The following ZC3H14 variants were observed in gnomAD, a reference collection of about 807,000 sequenced individuals.
ZC3H14 encodes zinc finger CCCH domain-containing protein 14.
ZC3H14 carries 31 observed loss-of-function variants against 92.4 expected under a neutral mutation model. The ratio of observed to expected loss-of-function variants is 0.34; its 90% CI spans 0.25 to 0.45. ZC3H14 has a LOEUF of 0.45. ZC3H14 is among the 20% of genes least tolerant of loss of function. The pLI, the probability that ZC3H14 is intolerant of heterozygous loss-of-function variation, is 1.00. For synonymous variants in ZC3H14, 321 were observed against 300.9 expected (o/e 1.07, Z -0.69); for missense variants, 781 against 897.3 (o/e 0.87, Z 1.66).
chr14:88,613,145 T>G lies in ZC3H14; in HGVS notation c.*1394T>G, dbSNP rs886222420. ...AAGAATTAACCAGTCATTAAACCAT[T>G]TGGTAAGTTGCACTTTGCTGTGCTG... On this transcript the variant is annotated 3_prime_UTR_variant, in exon 17 of 17. Transcript: ENST00000251038. 6.6e-6 allele frequency: 1 copy of G among 152,202 alleles called. No homozygotes were observed. The highest frequency in any genetic ancestry group is 1.5e-5 in the Non-Finnish European group (1 of 68,042). 9.4% of individuals were successfully genotyped at this position (152,202 alleles called of 1,614,324 possible). A position where few individuals can be genotyped will look rare whatever the true frequency, so the allele number is the denominator to read the frequency against.
chr14:88,584,685 C>T (rs571193830), intron 9 of ZC3H14, among the ~76,000 whole-genome samples: 3 of 152,274 alleles, frequency 2.0e-5, no homozygotes, highest in Admixed American at 1.3e-4. Context: ...TTCAGCTCTC[C>T]AGTAAATTGT....
chr14:88,567,824 A>G (rs1451554358), intron 2 of ZC3H14: 10 of 596,078 alleles, frequency 1.7e-5, no homozygotes, highest in South Asian at 3.1e-5. Flanking sequence ...TTAGTTTTGT[A>G]AGTATCAATT....
chr14:88,618,815 G>A lies in ZC3H14; in HGVS notation c.*7064G>A. Reference sequence around the variant, plus strand: ...GATACCGGGAATCCGGACTAAATCTGAATCAAAACAAAACGTAAAAAGTAT... The same window carrying A: ...GATACCGGGAATCCGGACTAAATCTAAATCAAAACAAAACGTAAAAAGTAT... On this transcript the variant is annotated 3_prime_UTR_variant, in exon 17 of 17. Transcript: ENST00000251038. 6.4e-7 allele frequency: 1 copy of A among 1,570,344 alleles called. No individual in the cohort carries two copies. Among genetic ancestry groups the A allele is most frequent in the Non-Finnish European group, 8.6e-7 (1 of 1,157,288 alleles).
At chr14:88,587,167 CTT>C (rs11462440) in intron 9 of ZC3H14, among the ~76,000 whole-genome samples, 1 of 147,592 alleles carries the variant, frequency 6.8e-6, no homozygotes. Context: ...CCTTCAATTC[CTT>C]TTTTTTTTTG....
At position 88,622,591 on chromosome 14, in the gene ZC3H14, T is replaced by A. The variant is rs1390883934; in HGVS notation, c.*10840T>A. 4.4e-6 allele frequency: 7 copies of A among 1,585,296 alleles called. No individual in the cohort carries two copies. The highest frequency in any genetic ancestry group is 1.4e-5 in the African/African-American group (1 of 73,814). On this transcript the variant is annotated 3_prime_UTR_variant, in exon 17 of 17. Coordinates refer to ENST00000251038, the MANE Select transcript of ZC3H14 (RefSeq NM_024824.5). ...TTTTCTGCTGCACTGTATCAGCTCA[T>A]GGAACATCTTACTTTGCCTCTGCAC...
chr14:88,612,450 AATAAC>A lies in ZC3H14; in HGVS notation c.*704_*708del, dbSNP rs2086926579. 2.6e-5 allele frequency: 4 copies of A among 152,352 alleles called. No homozygotes were observed. Among genetic ancestry groups the A allele is most frequent in the Admixed American group, 2.6e-4 (4 of 15,300 alleles). The allele number at this position is 152,352 out of a possible 1,614,324, so 9.4% of individuals were successfully genotyped here. A position where few individuals can be genotyped will look rare whatever the true frequency, so the allele number is the denominator to read the frequency against. ...GTTCTATACAGTGCTCTCATTTACTAATAACATAATGCCTTCTAAATAATTTTTTT... is the reference window on the plus strand; with the variant it reads ...GTTCTATACAGTGCTCTCATTTACTAATAATGCCTTCTAAATAATTTTTTT... On this transcript the variant is annotated 3_prime_UTR_variant, in exon 17 of 17. Coordinates refer to ENST00000251038, the MANE Select transcript of ZC3H14 (RefSeq NM_024824.5).
rs2089264211 is a variant in ZC3H14, at chr14:88,622,856, G to A, written c.*11105G>A. 1 of 522,060 alleles carries A rather than the reference G, an allele frequency of 1.9e-6. No homozygotes were observed. The highest frequency in any genetic ancestry group is 3.2e-6 in the Non-Finnish European group (1 of 308,212). The allele number at this position is 522,060 out of a possible 1,614,324, so 32.3% of individuals were successfully genotyped here. On this transcript the variant is annotated 3_prime_UTR_variant, in exon 17 of 17. Transcript: ENST00000251038. ...TTTATAATTTACCTCTAATATTCTT[G>A]TAAACTTTCTATGGCAATTTGAGGA...
At chr14:88,564,971 A>G (rs1405333739) in intron 2 of ZC3H14, among the ~76,000 whole-genome samples, 6 of 152,214 alleles carry the variant, frequency 3.9e-5, no homozygotes, top group Admixed American at 3.9e-4. Flanking sequence ...GCAGATATTT[A>G]CTTGAAAGTG....
chr14:88,569,575 T>C lies in ZC3H14; in HGVS notation c.194+1422T>C, dbSNP rs1377461425. ...TGGAGGATAATGATGTAGCTGAGAATAGACAGACGAAATACTTTATTAGGC... is the reference window on the plus strand; with the variant it reads ...TGGAGGATAATGATGTAGCTGAGAACAGACAGACGAAATACTTTATTAGGC... On this transcript the variant is annotated intron_variant, in intron 3 of 16. Transcript: ENST00000251038. Among the ~76,000 whole-genome samples, 3 of 152,096 alleles carry C rather than the reference T, an allele frequency of 2.0e-5. No homozygotes were observed. The East Asian group carries it at 5.8e-4, about 29-fold the overall frequency.
intron 12 of ZC3H14, among the ~76,000 whole-genome samples, chr14:88,605,741 C>G (rs2085295382): frequency 6.6e-6 from 1 of 152,228 alleles, no homozygotes. Context: ...GGCTGCATGA[C>G]TACATTTGTG....
Position 88,622,752 on chromosome 14 carries a change from T to C in ZC3H14, c.*11001T>C. ...ATAACCAAGCCAGAGTAAGTGTTCA[T>C]TATTGGCTACTATAATTTTTATTAT... is the stretch of plus-strand genomic sequence containing the variant. On this transcript the variant is annotated 3_prime_UTR_variant, in exon 17 of 17. Transcript: ENST00000251038. 6.8e-7 allele frequency: 1 copy of C among 1,460,044 alleles called. No individual in the cohort carries two copies. Among genetic ancestry groups the C allele is most frequent in the Non-Finnish European group, 9.3e-7 (1 of 1,077,534 alleles). 90.4% of individuals were successfully genotyped at this position (1,460,044 alleles called of 1,614,324 possible). A position where few individuals can be genotyped will look rare whatever the true frequency, so the allele number is the denominator to read the frequency against.
chr14:88,563,212 G>T (rs766487028), intron 1 of ZC3H14, 43 bp downstream of exon 1: 2 of 1,587,310 alleles, frequency 1.3e-6, no homozygotes, highest in South Asian at 1.1e-5. Context: ...AGGTCTCGGC[G>T]AGCGGGCGGT....
At position 88,612,002 on chromosome 14, in the gene ZC3H14, A is replaced by G. The variant is rs2086859068; in HGVS notation, c.*251A>G. The G allele has an allele frequency of 1.8e-6, 1 of 545,720 alleles. No individual in the cohort carries two copies. The highest frequency in any genetic ancestry group is 3.2e-6 in the Non-Finnish European group (1 of 307,764). 33.8% of individuals were successfully genotyped at this position (545,720 alleles called of 1,614,324 possible). ...GCTTAAGGAAGAGCTAAATTCTGTT[A>G]AAATATTTGGGGCATGTTTGTGCAC... On this transcript the variant is annotated 3_prime_UTR_variant, in exon 17 of 17. Coordinates refer to ENST00000251038, the MANE Select transcript of ZC3H14 (RefSeq NM_024824.5).
chr14:88,574,090 T>A (rs1444742027), intron 6 of ZC3H14, among the ~76,000 whole-genome samples: 2 of 152,194 alleles, frequency 1.3e-5, no homozygotes, highest in African/African-American at 4.8e-5. Context: ...AATTTTAGAT[T>A]GTTCATGGTA....
In ZC3H14 at chr14:88,618,928, G is replaced by T; in HGVS notation, c.*7177G>T. ...GTAACGTGTGATAAGGCCTCAAATA[G>T]ATTTACCTGTCAGACACAACTGATC... On this transcript the variant is annotated 3_prime_UTR_variant, in exon 17 of 17. Coordinates refer to ENST00000251038, the MANE Select transcript of ZC3H14 (RefSeq NM_024824.5). 1 of 983,518 alleles carries T rather than the reference G, an allele frequency of 1.0e-6. No homozygotes were observed. Among genetic ancestry groups the T allele is most frequent in the Non-Finnish European group, 1.4e-6 (1 of 691,034 alleles). The allele number at this position is 983,518 out of a possible 1,614,324, so 60.9% of individuals were successfully genotyped here. A position where few individuals can be genotyped will look rare whatever the true frequency, so the allele number is the denominator to read the frequency against.
At position 88,622,982 on chromosome 14, in the gene ZC3H14, C is replaced by A. The variant is rs575873328; in HGVS notation, c.*11231C>A. On this transcript the variant is annotated 3_prime_UTR_variant, in exon 17 of 17. Coordinates refer to ENST00000251038, the MANE Select transcript of ZC3H14 (RefSeq NM_024824.5). The stretch of plus-strand genomic sequence containing the variant: ...TGAGCATAATTTTATTTAGCCTCTA[C>A]AATACATTACAATACATTATCCTCT... 4.1e-5 allele frequency: 11 copies of A among 267,708 alleles called. No homozygotes were observed. The highest frequency in any genetic ancestry group is 1.1e-4 in the South Asian group (1 of 8,906). The allele number at this position is 267,708 out of a possible 1,614,324, so 16.6% of individuals were successfully genotyped here. A position where few individuals can be genotyped will look rare whatever the true frequency, so the allele number is the denominator to read the frequency against.
chr14:88,580,369 A>G (rs2081753843), intron 9 of ZC3H14, among the ~76,000 whole-genome samples: 1 of 152,228 alleles, frequency 6.6e-6, no homozygotes, highest in Non-Finnish European at 1.5e-5. Context: ...AAAATAAAAC[A>G]TGCGTGTAAT....
At chr14:88,566,323 A>G (rs2079616441) in intron 2 of ZC3H14, among the ~76,000 whole-genome samples, 1 of 152,084 alleles carries the variant, frequency 6.6e-6, no homozygotes, top group Non-Finnish European at 1.5e-5. Context: ...AACACCATAA[A>G]TAATAGAACC....
At chr14:88,589,078 T>G (rs1250382178) in intron 9 of ZC3H14, among the ~76,000 whole-genome samples, 2 of 152,178 alleles carry the variant, frequency 1.3e-5, no homozygotes, top group African/African-American at 2.4e-5. Flanking sequence ...TTTCTTGCTC[T>G]TTCGATTATG....
Sources: allele counts gnomAD v4.1 joint callset (sites outside exome capture counted in the v4.1 genomes callset), GRCh38; gene constraint gnomAD v4.1.1; transcripts MANE v1.5; gene names NCBI Gene and HGNC (gene_info 2026-07-23, HGNC 2026-07-21).